CBX3: variants seen among roughly 807,000 people sequenced by gnomAD.
CBX3 encodes the protein chromobox 3.
Under a neutral mutation model 22.6 loss-of-function variants are expected in CBX3, and 5 were observed. The ratio of observed to expected loss-of-function variants is 0.22; its 90% CI spans 0.12 to 0.47. CBX3 has a LOEUF of 0.47. Among genes scored for constraint, CBX3 ranks in the 20% least tolerant of loss-of-function variants. The pLI, the probability that CBX3 is intolerant of heterozygous loss-of-function variation, is 0.99. For synonymous variants in CBX3, 50 were observed against 66.6 expected, an observed-to-expected ratio of 0.75 and a Z score of 1.21; for missense variants, 83 against 208.1, an observed-to-expected ratio of 0.40 and a Z score of 3.70.
intron 1 of CBX3, chr7:26,202,598 T>A: frequency 4.8e-6 from 1 of 208,368 alleles, no homozygotes; most frequent in Non-Finnish European, 9.6e-6. Flanking sequence ...AGATTCACAG[T>A]GCTTTACCGT....
At chr7:26,203,062 CAA>C (rs753829745) in intron 2 of CBX3, 40 bp downstream of exon 2, 63 of 1,383,818 alleles carry the variant, frequency 4.6e-5, no homozygotes, top group East Asian at 1.6e-4. Context: ...GGATTTAACT[CAA>C]GTTTTTTTTC....
At chr7:26,201,950 C>T (rs1029786903) in intron 1 of CBX3, 124 bp downstream of exon 1, 9 of 151,912 alleles carry the variant, frequency 5.9e-5, no homozygotes, top group African/African-American at 2.2e-4. Flanking sequence ...GCGCCGGGAG[C>T]TGCGGGAAGG....
At chr7:26,202,556 G>A (rs1352173514) in intron 1 of CBX3, 1 of 159,214 alleles carries the variant, frequency 6.3e-6, no homozygotes, top group African/African-American at 2.4e-5. Context: ...GGGTTTCTGA[G>A]CAGAAACCAA....
At chr7:26,203,090 T>C (rs1230175324) in intron 2 of CBX3, 68 bp downstream of exon 2, 1 of 1,100,564 alleles carries the variant, frequency 9.1e-7, no homozygotes, top group African/African-American at 1.6e-5. Flanking sequence ...AGTATAACTT[T>C]GCATCTCTGT....
rs576678371 is a variant in CBX3, at chr7:26,213,024, G to C, written c.*816G>C. ...TCCTTAGCAAAATGTTGGAATCCCTGTTGCTACATTGACTAAAAGGTCATG... is the reference window on the plus strand; with the variant it reads ...TCCTTAGCAAAATGTTGGAATCCCTCTTGCTACATTGACTAAAAGGTCATG... On this transcript the variant is annotated 3_prime_UTR_variant, in exon 6 of 6. Coordinates refer to ENST00000396386, the MANE Select transcript of CBX3 (RefSeq NM_016587.4). 6.6e-6 allele frequency: 1 copy of C among 152,408 alleles called. No individual in the cohort carries two copies. Among genetic ancestry groups the C allele is most frequent in the South Asian group, 2.1e-4 (1 of 4,834 alleles). The allele number at this position is 152,408 out of a possible 1,614,324, so 9.4% of individuals were successfully genotyped here.
rs746557261 is a variant in CBX3, at chr7:26,202,989, G to A, written c.-10G>A. 8 of 1,606,342 alleles carry A rather than the reference G, an allele frequency of 5.0e-6. No homozygotes were observed. Among genetic ancestry groups the A allele is most frequent in the Non-Finnish European group, 6.8e-6 (8 of 1,173,418 alleles). ...TTTCTAGTAATAGCTCTTCAAGTCT[G>A]CAATAAAAAATGGCCTCCAACAAAA... On this transcript the variant is annotated 5_prime_UTR_variant, in exon 2 of 6. Transcript: ENST00000396386.
intron 3 of CBX3, 45 bp from the exon 4 acceptor site, chr7:26,208,346 CAT>C (rs776123337): frequency 6.3e-6 from 9 of 1,420,994 alleles, no homozygotes; most frequent in Admixed American, 6.3e-5. Flanking sequence ...GGTGATGAAT[CAT>C]ATTTAATTCA....
At chr7:26,208,202 A>G (rs909211854) in intron 3 of CBX3, 191 bp from the exon 4 acceptor site, 1 of 431,538 alleles carries the variant, frequency 2.3e-6, no homozygotes, top group Non-Finnish European at 4.3e-6. Flanking sequence ...CGTCTGGGCA[A>G]CAAAGCAAGA....
At chr7:26,205,291 C>T (rs370849943) in intron 2 of CBX3, among the ~76,000 whole-genome samples, 2 of 152,142 alleles carry the variant, frequency 1.3e-5, no homozygotes, top group African/African-American at 4.8e-5. Context: ...TAAATAGTGT[C>T]ATACCAAAGA....
At chr7:26,202,884 T>A (rs184151588) in intron 1 of CBX3, 87 bp from the exon 2 acceptor site, 1 of 800,848 alleles carries the variant, frequency 1.2e-6, no homozygotes, top group Admixed American at 1.9e-5. Flanking sequence ...CGCTCTCTAC[T>A]TGGGGGTTGG....
intron 4 of CBX3, 151 bp downstream of exon 4, chr7:26,208,706 G>T: frequency 1.6e-6 from 1 of 616,918 alleles, no homozygotes; most frequent in South Asian, 2.3e-5. Context: ...TGCAACTGCC[G>T]CCTCCTGGGT....
At chr7:26,203,047 T>G in intron 2 of CBX3, 25 bp downstream of exon 2, 1 of 1,473,504 alleles carries the variant, frequency 6.8e-7, no homozygotes, top group South Asian at 1.2e-5. Flanking sequence ...ACCTAAAATA[T>G]GTAAGGATTT....
chr7:26,201,728 C>T (rs1331280803), upstream of CBX3: 5 of 93,662 alleles, frequency 5.3e-5, no homozygotes, highest in Admixed American at 1.2e-4. Flanking sequence ...CCGCGCGCAG[C>T]TCCCGGCTCC....
chr7:26,205,328 T>TA (rs1784650882), intron 2 of CBX3, among the ~76,000 whole-genome samples: 1 of 152,224 alleles, frequency 6.6e-6, no homozygotes, highest in African/African-American at 2.4e-5. Flanking sequence ...TGAATTTGGT[T>TA]ACCAGTATAG....
Position 26,202,968 on chromosome 7 carries a change from T to C in CBX3, c.-28-3T>C, listed in dbSNP as rs1191736034. 1.3e-6 allele frequency: 2 copies of C among 1,573,936 alleles called. No individual in the cohort carries two copies. Among genetic ancestry groups the C allele is most frequent in the East Asian group, 4.6e-5 (2 of 43,702 alleles). On this transcript the variant is annotated splice_region_variant and splice_polypyrimidine_tract_variant and intron_variant, in intron 1 of 5. Transcript: ENST00000396386. Reference sequence around the variant, plus strand: ...TTACCTTAACTGTCATGCATTTTTCTAGTAATAGCTCTTCAAGTCTGCAAT... The same window carrying C: ...TTACCTTAACTGTCATGCATTTTTCCAGTAATAGCTCTTCAAGTCTGCAAT...
Position 26,212,053 on chromosome 7 carries a change from T to C in CBX3, c.426-29T>C, listed in dbSNP as rs369884481. On this transcript the variant is annotated intron_variant, in intron 5 of 5. Coordinates refer to ENST00000396386, the MANE Select transcript of CBX3 (RefSeq NM_016587.4). ...GGTTGACATGAACAACTTCGACTTG[T>C]AACTGAATTTTTCTTTTTCTTAAAA... is the stretch of plus-strand genomic sequence containing the variant. 1.8e-5 allele frequency: 27 copies of C among 1,484,724 alleles called. No individual in the cohort carries two copies. The East Asian group carries it at 2.2e-4, about 12-fold the overall frequency. 92.0% of individuals were successfully genotyped at this position (1,484,724 alleles called of 1,614,324 possible).
intron 3 of CBX3, among the ~76,000 whole-genome samples, chr7:26,207,444 T>G (rs1740364721): frequency 1.3e-5 from 2 of 152,150 alleles, no homozygotes; most frequent in Admixed American, 1.3e-4. Context: ...TCCTCCCTCT[T>G]CTCCCAAAAC....
Position 26,209,153 on chromosome 7 carries a change from C to T in CBX3, c.330+598C>T, listed in dbSNP as rs910452550. On this transcript the variant is annotated intron_variant, in intron 4 of 5. Transcript: ENST00000396386. ...AACTCCTGACATCAGGTGATCCACC[C>T]GCCTCGGCCTCCCAGAGTGCTGGGA... Among the ~76,000 whole-genome samples the T allele has an allele frequency of 5.3e-5, 8 of 151,784 alleles. No individual in the cohort carries two copies. The East Asian group carries it at 1.4e-3, about 26-fold the overall frequency.
chr7:26,213,071 T>C lies in CBX3; in HGVS notation c.*863T>C, dbSNP rs1455191451. 1 of 152,364 alleles carries C rather than the reference T, an allele frequency of 6.6e-6. No individual in the cohort carries two copies. Among genetic ancestry groups the C allele is most frequent in the African/African-American group, 2.4e-5 (1 of 41,480 alleles). The allele number at this position is 152,364 out of a possible 1,614,324, so 9.4% of individuals were successfully genotyped here. On this transcript the variant is annotated 3_prime_UTR_variant, in exon 6 of 6. Transcript: ENST00000396386. ...CATGATGAATGGAATATGTAAGACT[T>C]GGCTCATAGAAACCTAATCAGATGG...
Sources: allele counts gnomAD v4.1 joint callset (sites outside exome capture counted in the v4.1 genomes callset), GRCh38; gene constraint gnomAD v4.1.1; transcripts MANE v1.5; gene names NCBI Gene and HGNC (gene_info 2026-07-23, HGNC 2026-07-21).